Variants in CLMN observed in about 807,000 individuals in gnomAD.
CLMN encodes calmin (calponin-like, transmembrane).
Under a neutral mutation model 92.7 loss-of-function variants are expected in CLMN, and 57 were observed. That is an observed-to-expected ratio of 0.61 (90% CI 0.50 to 0.77). CLMN has a LOEUF of 0.77. Ranked by LOEUF, CLMN falls within the 30% of genes least tolerant of loss-of-function variation. CLMN has a pLI of 0.00. For missense variants in CLMN, 1,158 were observed against 1,237.5 expected (o/e 0.94, Z 0.96); for synonymous variants, 466 against 470.6 (o/e 0.99, Z 0.13).
chr14:95,193,174 C>G (rs750804970), intron 12 of CLMN: 4 of 585,816 alleles, frequency 6.8e-6, no homozygotes, highest in Non-Finnish European at 1.2e-5. Flanking sequence ...AATAAAGCAA[C>G]TCTATGACTT....
At chr14:95,230,005 T>C in intron 2 of CLMN, 67 bp downstream of exon 2, 1 of 1,465,782 alleles carries the variant, frequency 6.8e-7, no homozygotes, top group Non-Finnish European at 9.6e-7. Flanking sequence ...CCCCCTCCAC[T>C]CTCTGGAACT....
At position 95,189,264 on chromosome 14, in the gene CLMN, G is replaced by A. The variant is rs181751329; in HGVS notation, c.*2300C>T. The A allele has an allele frequency of 6.6e-6, 1 of 152,220 alleles. No homozygotes were observed. Among genetic ancestry groups the A allele is most frequent in the African/African-American group, 2.4e-5 (1 of 41,460 alleles). 9.4% of individuals were successfully genotyped at this position (152,220 alleles called of 1,614,324 possible). A position where few individuals can be genotyped will look rare whatever the true frequency, so the allele number is the denominator to read the frequency against. ...AAGTGTAAGCACGTTATGTAGAAAT[G>A]CAAACATAAGAGAGTTGAAAGTGGT... On this transcript the variant is annotated 3_prime_UTR_variant, in exon 13 of 13. Coordinates refer to ENST00000298912, the MANE Select transcript of CLMN (RefSeq NM_024734.4).
chr14:95,199,877 G>C (rs1463642285), intron 9 of CLMN, among the ~76,000 whole-genome samples: 1 of 152,126 alleles, frequency 6.6e-6, no homozygotes, highest in African/African-American at 2.4e-5. Context: ...ATGCTGGCTT[G>C]GCTAGAGGGG....
chr14:95,316,065 A>G (rs2352989), intron 1 of CLMN, among the ~76,000 whole-genome samples: 108,798 of 152,060 alleles, frequency 0.72, 39,526 homozygotes, highest in East Asian at 0.89. Context: ...TGAGGCTCAG[A>G]CAAAGAGGGA....
intron 1 of CLMN, among the ~76,000 whole-genome samples, chr14:95,258,988 GGA>G (rs1229013709): frequency 2.0e-5 from 3 of 151,392 alleles, no homozygotes; most frequent in Non-Finnish European, 2.9e-5. Context: ...GTGTGTGCGT[GGA>G]GAGTGTGTTT....
intron 1 of CLMN, among the ~76,000 whole-genome samples, chr14:95,308,460 C>T (rs2140792437): frequency 6.6e-6 from 1 of 152,362 alleles, no homozygotes; most frequent in Admixed American, 6.5e-5. Flanking sequence ...CAGCCCCTGA[C>T]TGACTTCATC....
At chr14:95,309,573 C>A (rs573082105) in intron 1 of CLMN, among the ~76,000 whole-genome samples, 2 of 152,354 alleles carry the variant, frequency 1.3e-5, no homozygotes, top group South Asian at 4.1e-4. Context: ...GGTAAAGAGT[C>A]TGTTGGCTCA....
At chr14:95,262,676 T>C (rs905734426) in intron 1 of CLMN, among the ~76,000 whole-genome samples, 2 of 152,132 alleles carry the variant, frequency 1.3e-5, no homozygotes, top group African/African-American at 2.4e-5. Flanking sequence ...AAGTGATCCT[T>C]CCACCTCAGC....
At chr14:95,225,241 G>A (rs577162389) in intron 2 of CLMN, among the ~76,000 whole-genome samples, 57 of 151,550 alleles carry the variant, frequency 3.8e-4, no homozygotes, top group Non-Finnish European at 3.2e-4. Flanking sequence ...CCTCACATGA[G>A]CCAACGAGAA....
intron 8 of CLMN, among the ~76,000 whole-genome samples, chr14:95,208,858 G>A (rs1897118325): frequency 6.6e-6 from 1 of 152,210 alleles, no homozygotes; most frequent in South Asian, 2.1e-4. Flanking sequence ...TGCCTGGGAC[G>A]TGACTCGTTC....
chr14:95,310,099 T>C (rs1901467289), intron 1 of CLMN, among the ~76,000 whole-genome samples: 1 of 152,004 alleles, frequency 6.6e-6, no homozygotes, highest in Admixed American at 6.6e-5. Context: ...GTGCTGGAGG[T>C]GGGCCCTGTG....
rs114352536 is a variant in CLMN, at chr14:95,262,536, C to G, written c.83-32403G>C. ...GTATCGTATCCAATCTTGGTAAGTTCAAGGTAGGGCCTACTCTTTTTCCCA... is the reference window on the plus strand; with the variant it reads ...GTATCGTATCCAATCTTGGTAAGTTGAAGGTAGGGCCTACTCTTTTTCCCA... On this transcript the variant is annotated intron_variant, in intron 1 of 12. Coordinates refer to ENST00000298912, the MANE Select transcript of CLMN (RefSeq NM_024734.4). Among the ~76,000 whole-genome samples the G allele has an allele frequency of 5.7e-3, 869 of 152,204 alleles. 5 individuals are homozygous for G. The highest frequency in any genetic ancestry group is 0.02 in the African/African-American group (834 of 41,526).
chr14:95,209,859 A>G (rs143383872), intron 7 of CLMN, among the ~76,000 whole-genome samples: 101 of 152,330 alleles, frequency 6.6e-4, no homozygotes, highest in African/African-American at 2.0e-3. Flanking sequence ...GCAACTTCAC[A>G]GAGATAGCCA....
Position 95,306,217 on chromosome 14 carries a change from A to T in CLMN, c.82+13494T>A, listed in dbSNP as rs564914062. On this transcript the variant is annotated intron_variant, in intron 1 of 12. Transcript: ENST00000298912. ...AAGTCAGAGGCCCCAGACTTGCTCAAGAAGAGAGAACTAGCCAGGCATGGT... is the reference window on the plus strand; with the variant it reads ...AAGTCAGAGGCCCCAGACTTGCTCATGAAGAGAGAACTAGCCAGGCATGGT... Among the ~76,000 whole-genome samples the T allele has an allele frequency of 8.5e-5, 13 of 152,328 alleles. 1 individual carries two copies. The East Asian group carries it at 2.5e-3, about 29-fold the overall frequency.
chr14:95,249,554 C>T (rs1898701767), intron 1 of CLMN, among the ~76,000 whole-genome samples: 3 of 152,150 alleles, frequency 2.0e-5, no homozygotes, highest in South Asian at 4.2e-4. Flanking sequence ...CCATTTTCCC[C>T]TTCTTTCTAA....
At chr14:95,277,852 C>T (rs574964332) in intron 1 of CLMN, among the ~76,000 whole-genome samples, 3 of 152,316 alleles carry the variant, frequency 2.0e-5, no homozygotes, top group African/African-American at 7.2e-5. Context: ...GTCTCGAACT[C>T]CTAACTTCAG....
chr14:95,315,662 C>A (rs1481710424), intron 1 of CLMN, among the ~76,000 whole-genome samples: 2 of 152,228 alleles, frequency 1.3e-5, no homozygotes, highest in Admixed American at 6.5e-5. Context: ...AACCCAGAAC[C>A]TACGCAGTCA....
At position 95,259,872 on chromosome 14, in the gene CLMN, C is replaced by A. The variant is rs139489124; in HGVS notation, c.83-29739G>T. On this transcript the variant is annotated intron_variant, in intron 1 of 12. Transcript: ENST00000298912. The surrounding 1 kb of genome is among the most constrained non-coding windows in gnomAD (Gnocchi z 4.3). ...ACCCACCTGGACGGCTATTCCCTTG[C>A]GCTTGGTGGCTCCTGAATATGCCTG... 3.9e-5 allele frequency among the ~76,000 whole-genome samples: 6 copies of A among 152,312 alleles called. No homozygotes were observed. The highest frequency in any genetic ancestry group is 1.2e-4 in the African/African-American group (5 of 41,566).
At chr14:95,292,428 T>TCCCCCA (rs61159767) in intron 1 of CLMN, among the ~76,000 whole-genome samples, 49,555 of 75,440 alleles carry the variant, frequency 0.66, 15,726 homozygotes, top group East Asian at 0.76. Flanking sequence ...CCCCCAAGGG[T>TCCCCCA]CCCCCACCCC....
Sources: gnomAD v4.1 joint callset for allele counts (sites outside exome capture counted in the v4.1 genomes callset) on GRCh38, gnomAD v4.1.1 for gene constraint, Gnocchi (gnomAD v3.1) non-coding constraint, MANE v1.5 for transcripts, NCBI Gene and HGNC (gene_info 2026-07-23, HGNC 2026-07-21) for gene names.